The following EIF2AK4 variants were observed in gnomAD, a reference collection of about 807,000 sequenced individuals.
The protein encoded by EIF2AK4 is eukaryotic translation initiation factor 2 alpha kinase 4.
Under a neutral mutation model 211.1 loss-of-function variants are expected in EIF2AK4, and 139 were observed. The observed-to-expected ratio is 0.66, with a 90% CI of 0.57 to 0.76. The LOEUF is 0.76. EIF2AK4 is among the 30% of genes least tolerant of loss of function. The probability of loss-of-function intolerance (pLI) is 0.00; values close to 1 mark genes in which losing one functional copy is unlikely to be tolerated. For synonymous variants in EIF2AK4, 710 were observed against 751.3 expected (o/e 0.94, Z 0.90); for missense variants, 1,664 against 2,043.8 (o/e 0.81, Z 3.58).
intron 11 of EIF2AK4, chr15:39,975,104 C>T (rs913251020): frequency 2.0e-5 from 3 of 152,166 alleles, no homozygotes; most frequent in African/African-American, 7.2e-5. Context: ...TTTTTTGGAG[C>T]ACCTGCCATA....
chr15:39,996,866 C>G, intron 18 of EIF2AK4, 98 bp from the exon 19 acceptor site: 3 of 881,550 alleles, frequency 3.4e-6, no homozygotes, highest in Non-Finnish European at 5.6e-6. Context: ...TGTACTCCTA[C>G]AAACTTTATT....
At chr15:40,022,332 G>A (rs2140946320) in intron 31 of EIF2AK4, 187 bp from the exon 32 acceptor site, 1 of 545,562 alleles carries the variant, frequency 1.8e-6, no homozygotes. Flanking sequence ...AGGGAGGCAA[G>A]AGAGGCCTTG....
intron 12 of EIF2AK4, 60 bp downstream of exon 12, chr15:39,976,904 T>TA: frequency 7.1e-7 from 1 of 1,413,318 alleles, no homozygotes; most frequent in Non-Finnish European, 9.2e-7. Context: ...TTTCTTTATT[T>TA]TTTTTTCCTT....
At chr15:39,944,842 T>C (rs765716262) in intron 3 of EIF2AK4, among the ~76,000 whole-genome samples, 4 of 152,234 alleles carry the variant, frequency 2.6e-5, no homozygotes, top group Non-Finnish European at 5.9e-5. Flanking sequence ...GGAAAGTAAC[T>C]GGACAGATTT....
chr15:39,944,476 G>T (rs1459963175), intron 3 of EIF2AK4, among the ~76,000 whole-genome samples: 1 of 135,640 alleles, frequency 7.4e-6, no homozygotes, highest in African/African-American at 2.9e-5. Context: ...CTGTCACCCA[G>T]GCTAGAGTGC....
chr15:39,949,065 G>A (rs1796228708), intron 3 of EIF2AK4, 51 bp from the exon 4 acceptor site: 2 of 1,596,252 alleles, frequency 1.3e-6, no homozygotes, highest in South Asian at 1.1e-5. Flanking sequence ...CTCCTGTTTG[G>A]GCCTTCCCAT....
At chr15:39,939,872 T>G (rs1242810988) in intron 2 of EIF2AK4, among the ~76,000 whole-genome samples, 1 of 151,950 alleles carries the variant, frequency 6.6e-6, no homozygotes, top group Non-Finnish European at 1.5e-5. Flanking sequence ...TCCTCTGATG[T>G]GTTAACTTTT....
At chr15:39,992,521 C>T in intron 17 of EIF2AK4, 1 of 572,642 alleles carries the variant, frequency 1.7e-6, no homozygotes, top group Non-Finnish European at 3.1e-6. Flanking sequence ...ATGACCTGAT[C>T]CATCTGGGGT....
At chr15:39,999,064 A>G (rs911455605) in intron 20 of EIF2AK4, among the ~76,000 whole-genome samples, 28 of 147,500 alleles carry the variant, frequency 1.9e-4, no homozygotes, top group African/African-American at 6.7e-4. Flanking sequence ...TTAGCTGTTG[A>G]AAAAAAAAAA....
At chr15:39,958,925 C>CT (rs1012352627) in intron 6 of EIF2AK4, among the ~76,000 whole-genome samples, 1 of 151,972 alleles carries the variant, frequency 6.6e-6, no homozygotes, top group African/African-American at 2.4e-5. Context: ...AAAGATTATC[C>CT]TTTTTTCTTT....
intron 2 of EIF2AK4, among the ~76,000 whole-genome samples, chr15:39,942,156 T>C (rs1271435251): frequency 6.6e-6 from 1 of 152,228 alleles, no homozygotes; most frequent in Non-Finnish European, 1.5e-5. Flanking sequence ...TGGGGTAATA[T>C]TCTTATCCTT....
At chr15:39,971,249 C>T (rs532513235) in intron 9 of EIF2AK4, among the ~76,000 whole-genome samples, 9 of 152,226 alleles carry the variant, frequency 5.9e-5, no homozygotes, top group South Asian at 4.2e-4. Context: ...CACAGCAGGG[C>T]GTGATACCTC....
chr15:39,965,743 G>GCTTTGT lies in EIF2AK4; in HGVS notation c.921_926dup (p.Phe307_Val308dup). 1 of 1,614,122 alleles carries GCTTTGT rather than the reference G, an allele frequency of 6.2e-7. No homozygotes were observed. Among genetic ancestry groups the GCTTTGT allele is most frequent in the Non-Finnish European group, 8.5e-7 (1 of 1,179,990 alleles). ...AATGCTTTGGAAACAGCCACTGGTG[G>GCTTTGT]CTTTGTCTTGTTGTATGAGTGGGTC... On this transcript the variant is annotated inframe_insertion, in exon 8 of 39. Transcript: ENST00000263791.
chr15:39,988,800 A>G (rs894221507), intron 15 of EIF2AK4, among the ~76,000 whole-genome samples: 11 of 152,194 alleles, frequency 7.2e-5, no homozygotes, highest in African/African-American at 2.7e-4. Flanking sequence ...CAGGAGTTCA[A>G]GACCAGACTG....
intron 8 of EIF2AK4, among the ~76,000 whole-genome samples, chr15:39,966,678 G>A (rs1268344597): frequency 6.6e-6 from 1 of 152,168 alleles, no homozygotes; most frequent in African/African-American, 2.4e-5. Flanking sequence ...AAAGCATGGT[G>A]TTCAGAAATG....
chr15:40,029,847 G>T (rs913893204), intron 34 of EIF2AK4, among the ~76,000 whole-genome samples: 5 of 152,184 alleles, frequency 3.3e-5, no homozygotes, highest in African/African-American at 1.2e-4. Context: ...AGCCAAGAGG[G>T]CACAGTGGTG....
intron 3 of EIF2AK4, chr15:39,946,543 G>T: frequency 1.4e-6 from 1 of 702,236 alleles, no homozygotes; most frequent in South Asian, 1.5e-5. Flanking sequence ...TTGTTGAAAT[G>T]ACAATCGAGC....
rs1367988354 is a variant in EIF2AK4, at chr15:39,985,727, A to G, written c.2320-78A>G. On this transcript the variant is annotated intron_variant, in intron 13 of 38. Transcript: ENST00000263791. ...GGGTGGCCCTGTGTTGGGGGTGGGC[A>G]CAAATACTTAATGATGGTGATGATT... The G allele has an allele frequency of 2.8e-6, 4 of 1,411,566 alleles. No homozygotes were observed. In the African/African-American group the frequency reaches 5.6e-5, roughly 20 times the overall value. The allele number at this position is 1,411,566 out of a possible 1,614,324, so 87.4% of individuals were successfully genotyped here.
chr15:40,027,877 G>A (rs1431754029), intron 33 of EIF2AK4, among the ~76,000 whole-genome samples: 3 of 145,966 alleles, frequency 2.1e-5, no homozygotes, highest in Admixed American at 6.9e-5. Flanking sequence ...GTGACAGAGC[G>A]AGACTCTGTC....
Sources: gnomAD v4.1 joint callset for allele counts (sites outside exome capture counted in the v4.1 genomes callset) on GRCh38, gnomAD v4.1.1 for gene constraint, MANE v1.5 for transcripts, NCBI Gene and HGNC (gene_info 2026-07-23, HGNC 2026-07-21) for gene names.